Variants in AGTR1 observed in about 807,000 individuals in gnomAD.
AGTR1 encodes angiotensin II receptor type 1, also known as type-1 angiotensin II receptor.
AGTR1 carries 16 observed loss-of-function variants against 19.4 expected under a neutral mutation model. The ratio of observed to expected loss-of-function variants is 0.82; its 90% CI spans 0.56 to 1.25. The LOEUF is 1.25. AGTR1 is among the 50% of genes most tolerant of loss of function. AGTR1 has a pLI of 0.00. For missense variants in AGTR1, 373 were observed against 431.9 expected (o/e 0.86, Z 1.21); for synonymous variants, 153 against 154.9 (o/e 0.99, Z 0.09).
chr3:148,709,917 C>A (rs1371238527), intron 2 of AGTR1, among the ~76,000 whole-genome samples: 1 of 152,144 alleles, frequency 6.6e-6, no homozygotes, highest in East Asian at 1.9e-4. Context: ...GAACCGTATT[C>A]AATGGCTTAA....
intron 2 of AGTR1, among the ~76,000 whole-genome samples, chr3:148,725,935 C>T (rs1044632329): frequency 2.0e-5 from 3 of 152,112 alleles, no homozygotes; most frequent in Admixed American, 6.6e-5. Context: ...AAATTAGCTT[C>T]GCACTTCAGC....
intron 1 of AGTR1, among the ~76,000 whole-genome samples, chr3:148,703,823 A>G (rs1237402066): frequency 8.4e-6 from 1 of 119,174 alleles, no homozygotes; most frequent in Admixed American, 7.8e-5. Flanking sequence ...TTTCCCTCAT[A>G]AATTTTTTTT....
chr3:148,698,106 T>C lies in AGTR1; in HGVS notation c.-153T>C, dbSNP rs2107918794. 6.6e-6 allele frequency: 1 copy of C among 151,574 alleles called. No homozygotes were observed. The highest frequency in any genetic ancestry group is 3.4e-3 in the Middle Eastern group (1 of 290). 9.4% of individuals were successfully genotyped at this position (151,574 alleles called of 1,614,324 possible). On this transcript the variant is annotated 5_prime_UTR_variant, in exon 1 of 3. Transcript: ENST00000349243. ...AGCGCAGCCGGCCCTCGGCGGGACG[T>C]GACGCAGCGCCCGGGGCGCGGGTGA... is the stretch of plus-strand genomic sequence containing the variant.
chr3:148,700,211 C>T (rs367601294), intron 1 of AGTR1, among the ~76,000 whole-genome samples: 2 of 152,042 alleles, frequency 1.3e-5, no homozygotes, highest in South Asian at 2.1e-4. Flanking sequence ...CTGCTACTTA[C>T]GACTGCTGTT....
At chr3:148,703,320 C>A (rs1712463193) in intron 1 of AGTR1, among the ~76,000 whole-genome samples, 1 of 152,072 alleles carries the variant, frequency 6.6e-6, no homozygotes, top group African/African-American at 2.4e-5. Flanking sequence ...AATCTCAGAC[C>A]CTGTCCAGAC....
chr3:148,711,321 A>G (rs1484251394), intron 2 of AGTR1, among the ~76,000 whole-genome samples: 1 of 152,198 alleles, frequency 6.6e-6, no homozygotes, highest in Non-Finnish European at 1.5e-5. Flanking sequence ...AAAATTAAAA[A>G]CAAATTTGTC....
intron 2 of AGTR1, among the ~76,000 whole-genome samples, chr3:148,709,222 A>G (rs900564587): frequency 6.6e-6 from 1 of 152,100 alleles, no homozygotes; most frequent in Non-Finnish European, 1.5e-5. Context: ...TAAGATGCAT[A>G]TCCTAGGATG....
chr3:148,737,391 C>T (rs1234832917), intron 2 of AGTR1, among the ~76,000 whole-genome samples: 1 of 152,014 alleles, frequency 6.6e-6, no homozygotes, highest in Non-Finnish European at 1.5e-5. Flanking sequence ...ACTGCCCTCT[C>T]ACCATCCTTC....
intron 2 of AGTR1, among the ~76,000 whole-genome samples, chr3:148,712,963 C>T (rs891590579): frequency 9.9e-5 from 15 of 152,036 alleles, no homozygotes; most frequent in African/African-American, 3.6e-4. Flanking sequence ...GTAGGAGGCG[C>T]CCCCTGGACT....
intron 2 of AGTR1, among the ~76,000 whole-genome samples, chr3:148,729,522 T>C (rs1425115114): frequency 6.6e-6 from 1 of 152,230 alleles, no homozygotes. Flanking sequence ...TAATTTCAAA[T>C]CTGATGTGTG....
intron 2 of AGTR1, among the ~76,000 whole-genome samples, chr3:148,721,067 T>C (rs549726925): frequency 3.0e-4 from 46 of 152,300 alleles, no homozygotes; most frequent in African/African-American, 1.1e-3. Flanking sequence ...AGGTGAGTTG[T>C]CTGTTTGTCC....
chr3:148,723,680 TG>T (rs755585005), intron 2 of AGTR1, among the ~76,000 whole-genome samples: 4 of 152,208 alleles, frequency 2.6e-5, no homozygotes, highest in Non-Finnish European at 5.9e-5. Flanking sequence ...GCTGCCATTC[TG>T]AAAGCTTCCT....
intron 2 of AGTR1, among the ~76,000 whole-genome samples, chr3:148,728,332 C>T (rs1714069990): frequency 6.6e-6 from 1 of 152,130 alleles, no homozygotes; most frequent in African/African-American, 2.4e-5. Context: ...AATAAGTGAT[C>T]AGTGTTACTA....
At chr3:148,737,601 A>C (rs1714639091) in intron 2 of AGTR1, among the ~76,000 whole-genome samples, 1 of 152,176 alleles carries the variant, frequency 6.6e-6, no homozygotes. Flanking sequence ...CACACATGGT[A>C]GGTGTTCAGT....
chr3:148,733,588 T>C (rs933481994), intron 2 of AGTR1, among the ~76,000 whole-genome samples: 2 of 152,228 alleles, frequency 1.3e-5, no homozygotes, highest in Non-Finnish European at 2.9e-5. Context: ...GCAATTGTTA[T>C]TGACTAAGCC....
intron 2 of AGTR1, among the ~76,000 whole-genome samples, chr3:148,712,328 A>C (rs1241083224): frequency 1.3e-5 from 2 of 152,250 alleles, no homozygotes; most frequent in East Asian, 3.9e-4. Flanking sequence ...GCCTTTCCTG[A>C]ATCTAAACAA....
chr3:148,719,192 A>T (rs1713468756), intron 2 of AGTR1, among the ~76,000 whole-genome samples: 2 of 152,226 alleles, frequency 1.3e-5, no homozygotes, highest in Non-Finnish European at 2.9e-5. Flanking sequence ...GAACAGTTTG[A>T]AAGCCTCTGC....
intron 2 of AGTR1, chr3:148,730,558 A>G (rs1246469370): frequency 4.9e-6 from 1 of 203,920 alleles, no homozygotes; most frequent in Non-Finnish European, 9.8e-6. Flanking sequence ...GTTAAATGAA[A>G]ACATTTTAGC....
At chr3:148,739,053 C>A (rs984540906) in intron 2 of AGTR1, among the ~76,000 whole-genome samples, 1 of 152,134 alleles carries the variant, frequency 6.6e-6, no homozygotes, top group Non-Finnish European at 1.5e-5. Flanking sequence ...GATATGTCAA[C>A]AGATGATTAC....
Sources: allele counts gnomAD v4.1 joint callset (sites outside exome capture counted in the v4.1 genomes callset), GRCh38; gene constraint gnomAD v4.1.1; transcripts MANE v1.5; gene names NCBI Gene and HGNC (gene_info 2026-07-23, HGNC 2026-07-21).